The following NFIA variants were observed in gnomAD, a reference collection of about 807,000 sequenced individuals.
NFIA encodes the protein nuclear factor 1 A-type.
NFIA carries 8 observed loss-of-function variants against 62.8 expected under a neutral mutation model. That is an observed-to-expected ratio of 0.13 (90% CI 0.07 to 0.23). The LOEUF is 0.23. Ranked by LOEUF, NFIA falls within the 10% of genes least tolerant of loss-of-function variation. The pLI is 1.00. For synonymous variants in NFIA, 235 were observed against 238.1 expected (o/e 0.99, Z 0.12); for missense variants, 410 against 642.1 (o/e 0.64, Z 3.91).
intron 2 of NFIA, among the ~76,000 whole-genome samples, chr1:61,205,871 C>G (rs1022172909): frequency 6.7e-6 from 1 of 149,082 alleles, no homozygotes; most frequent in African/African-American, 2.5e-5. Context: ...ATGCCCTACA[C>G]TGAGGTTTTA....
At chr1:61,327,061 T>C (rs910726848) in intron 3 of NFIA, among the ~76,000 whole-genome samples, 10 of 148,486 alleles carry the variant, frequency 6.7e-5, no homozygotes, top group Admixed American at 2.7e-4. Flanking sequence ...TATGTATATA[T>C]CTACTATTAT....
intron 5 of NFIA, 103 bp from the exon 6 acceptor site, chr1:61,359,044 G>T: frequency 6.7e-7 from 1 of 1,498,068 alleles, no homozygotes; most frequent in Non-Finnish European, 9.0e-7. Flanking sequence ...ACATTAAGTT[G>T]CCCAATTGCT....
intron 2 of NFIA, among the ~76,000 whole-genome samples, chr1:61,118,523 C>G (rs17121624): frequency 6.6e-6 from 1 of 151,808 alleles, no homozygotes; most frequent in African/African-American, 2.4e-5. Context: ...TGTGATAGAT[C>G]TCTAAAGGAA....
chr1:61,155,838 T>C (rs1020708767), intron 2 of NFIA, among the ~76,000 whole-genome samples: 5 of 151,998 alleles, frequency 3.3e-5, no homozygotes, highest in Non-Finnish European at 7.4e-5. Flanking sequence ...GTGAGTTCAT[T>C]AAGAATTAAA....
At chr1:61,310,618 G>C (rs1660048631) in intron 3 of NFIA, among the ~76,000 whole-genome samples, 1 of 152,146 alleles carries the variant, frequency 6.6e-6, no homozygotes, top group African/African-American at 2.4e-5. Flanking sequence ...AGAAAGGCCT[G>C]CCTGGTTCTT....
At chr1:61,118,990 C>T (rs1646840830) in intron 2 of NFIA, among the ~76,000 whole-genome samples, 1 of 151,928 alleles carries the variant, frequency 6.6e-6, no homozygotes, top group Admixed American at 6.6e-5. Flanking sequence ...AAAAAATGTA[C>T]AGAATATGAA....
At chr1:61,432,702 A>G (rs1667159792) in intron 10 of NFIA, among the ~76,000 whole-genome samples, 1 of 151,414 alleles carries the variant, frequency 6.6e-6, no homozygotes, top group Non-Finnish European at 1.5e-5. Context: ...CCACCCTGCA[A>G]CCCTACCTCA....
chr1:61,440,508 G>C (rs144409685), intron 10 of NFIA, among the ~76,000 whole-genome samples: 595 of 152,268 alleles, frequency 3.9e-3, no homozygotes, highest in Non-Finnish European at 6.4e-3. Context: ...CAGTGATAAC[G>C]TAGAACGTTC....
At chr1:61,340,720 G>T (rs950641786) in intron 4 of NFIA, among the ~76,000 whole-genome samples, 1 of 152,148 alleles carries the variant, frequency 6.6e-6, no homozygotes, top group Non-Finnish European at 1.5e-5. Context: ...GTGTGTGCGT[G>T]TATAAATTAA....
chr1:61,172,105 G>A (rs1035297155), intron 2 of NFIA, among the ~76,000 whole-genome samples: 5 of 152,160 alleles, frequency 3.3e-5, no homozygotes, highest in Non-Finnish European at 7.3e-5. Flanking sequence ...GGCTTCCTTA[G>A]TCACGTGACT....
intron 5 of NFIA, 149 bp from the exon 6 acceptor site, chr1:61,358,998 C>G: frequency 9.1e-7 from 1 of 1,097,890 alleles, no homozygotes. Flanking sequence ...AGTGACTCAC[C>G]AGACTGAACA....
At chr1:61,399,166 G>A (rs751875567) in intron 7 of NFIA, among the ~76,000 whole-genome samples, 24 of 152,040 alleles carry the variant, frequency 1.6e-4, no homozygotes, top group Non-Finnish European at 3.1e-4. Context: ...TCTTATAATG[G>A]CGCTAACAGA....
chr1:61,158,469 T>C (rs940858790), intron 2 of NFIA, among the ~76,000 whole-genome samples: 4 of 152,242 alleles, frequency 2.6e-5, no homozygotes, highest in Non-Finnish European at 4.4e-5. Context: ...TTTGTGTTTG[T>C]ATTTATATTT....
chr1:61,115,225 C>T (rs1346428089), intron 2 of NFIA, among the ~76,000 whole-genome samples: 1 of 152,190 alleles, frequency 6.6e-6, no homozygotes, highest in Non-Finnish European at 1.5e-5. Flanking sequence ...AGGTGATCCA[C>T]CCACTTCAGC....
At chr1:61,250,918 T>G (rs1392597430) in intron 2 of NFIA, 2 of 152,204 alleles carry the variant, frequency 1.3e-5, no homozygotes, top group Non-Finnish European at 2.9e-5. Flanking sequence ...CTTTTGGATA[T>G]TCCATAAACT....
chr1:61,125,607 A>G (rs1277907414), intron 2 of NFIA, among the ~76,000 whole-genome samples: 3 of 152,194 alleles, frequency 2.0e-5, no homozygotes. Context: ...CCTGCAAAAT[A>G]TGGTGTCATA....
intron 10 of NFIA, among the ~76,000 whole-genome samples, chr1:61,442,007 G>A (rs1024473974): frequency 5.3e-5 from 8 of 151,816 alleles, no homozygotes; most frequent in Admixed American, 3.3e-4. Flanking sequence ...AAGAACTGCC[G>A]GATGAAACTC....
At chr1:61,325,361 A>G (rs931851571) in intron 3 of NFIA, among the ~76,000 whole-genome samples, 1 of 152,228 alleles carries the variant, frequency 6.6e-6, no homozygotes, top group Non-Finnish European at 1.5e-5. Flanking sequence ...ATGAGAATGA[A>G]ATATTAATTC....
At position 61,410,746 on chromosome 1, in the gene NFIA, A is replaced by C. The variant is rs564202040; in HGVS notation, c.1420+4019A>C. Among the ~76,000 whole-genome samples the C allele has an allele frequency of 5.5e-4, 83 of 152,144 alleles. 1 individual carries two copies. The highest frequency in any genetic ancestry group is 1.9e-3 in the African/African-American group (77 of 41,518). ...ATGTGGTGAAACCCCATCTCTACAAAAAATACAAAAATTAGCTGGGTGTGG... is the reference window on the plus strand; with the variant it reads ...ATGTGGTGAAACCCCATCTCTACAACAAATACAAAAATTAGCTGGGTGTGG... On this transcript the variant is annotated intron_variant, in intron 9 of 10. Transcript: ENST00000403491.
Sources: allele counts gnomAD v4.1 joint callset (sites outside exome capture counted in the v4.1 genomes callset), GRCh38; gene constraint gnomAD v4.1.1; transcripts MANE v1.5; gene names NCBI Gene and HGNC (gene_info 2026-07-23, HGNC 2026-07-21).